RGS17: variants seen among roughly 807,000 people sequenced by gnomAD.
RGS17 encodes the protein regulator of G-protein signaling 17.
A neutral mutation model predicts 25.5 loss-of-function variants in RGS17; 12 were observed. The ratio of observed to expected loss-of-function variants is 0.47; its 90% CI spans 0.30 to 0.76. RGS17 has a LOEUF of 0.76. Ranked by LOEUF, RGS17 falls within the 30% of genes least tolerant of loss-of-function variation. RGS17 has a pLI of 0.07. For missense variants in RGS17, 196 were observed against 242.2 expected (o/e 0.81, Z 1.27); for synonymous variants, 71 against 76.9 (o/e 0.92, Z 0.40).
At chr6:153,024,853 T>C (rs539562197) in intron 3 of RGS17, among the ~76,000 whole-genome samples, 1 of 152,318 alleles carries the variant, frequency 6.6e-6, no homozygotes, top group African/African-American at 2.4e-5. Context: ...TGTAAGTGAC[T>C]AAGGACAACA....
intron 4 of RGS17, among the ~76,000 whole-genome samples, chr6:153,021,374 A>G: frequency 6.6e-6 from 1 of 152,182 alleles, no homozygotes; most frequent in East Asian, 1.9e-4. Context: ...TTAGAAATGG[A>G]TGACTTTTTG....
chr6:153,053,824 G>T (rs1176130408), intron 1 of RGS17, among the ~76,000 whole-genome samples: 6 of 148,518 alleles, frequency 4.0e-5, no homozygotes, highest in African/African-American at 1.5e-4. Flanking sequence ...AAGAAAGAAA[G>T]AAAAATAGAG....
chr6:153,013,890 T>G (rs572169045), intron 4 of RGS17, among the ~76,000 whole-genome samples: 1 of 150,792 alleles, frequency 6.6e-6, no homozygotes, highest in East Asian at 2.0e-4. Context: ...GGGAAAGAAG[T>G]TATCTCCATA....
At chr6:153,060,234 T>C (rs1776615503) in intron 1 of RGS17, among the ~76,000 whole-genome samples, 1 of 152,204 alleles carries the variant, frequency 6.6e-6, no homozygotes, top group Admixed American at 6.5e-5. Context: ...ACCCTCTCTT[T>C]CTGCTCTTTG....
At chr6:153,120,197 C>A (rs1777606105) in intron 1 of RGS17, among the ~76,000 whole-genome samples, 4 of 152,224 alleles carry the variant, frequency 2.6e-5, no homozygotes, top group Non-Finnish European at 4.4e-5. Context: ...ATACTTGTTA[C>A]TTCCTACTTA....
chr6:153,020,993 A>T lies in RGS17; in HGVS notation c.444+3269T>A, dbSNP rs746371725. Among the ~76,000 whole-genome samples, 137 of 152,342 alleles carry T rather than the reference A, an allele frequency of 9.0e-4. 1 individual carries two copies. The highest frequency in any genetic ancestry group is 3.2e-3 in the African/African-American group (133 of 41,590). On this transcript the variant is annotated intron_variant, in intron 4 of 4. Coordinates refer to ENST00000206262, the MANE Select transcript of RGS17 (RefSeq NM_012419.5). Reference sequence around the variant, plus strand: ...AGTAGTAGCACAAATACTCTGAATAAATAGAAACATGTATAGAATTTCAGA... The same window carrying T: ...AGTAGTAGCACAAATACTCTGAATATATAGAAACATGTATAGAATTTCAGA...
At chr6:153,105,069 T>C (rs559490527) in intron 1 of RGS17, among the ~76,000 whole-genome samples, 150 of 152,036 alleles carry the variant, frequency 9.9e-4, no homozygotes, top group Non-Finnish European at 1.7e-3. Context: ...GGCATGGGGG[T>C]GGACAGACAG....
chr6:153,060,128 G>T (rs1313935696), intron 1 of RGS17, among the ~76,000 whole-genome samples: 2 of 128,080 alleles, frequency 1.6e-5, no homozygotes, highest in Non-Finnish European at 3.2e-5. Flanking sequence ...TGCAGGGGAA[G>T]TCTGTTTCCC....
intron 1 of RGS17, among the ~76,000 whole-genome samples, chr6:153,069,270 AT>A (rs1776750388): frequency 6.6e-6 from 1 of 152,254 alleles, no homozygotes; most frequent in Non-Finnish European, 1.5e-5. Flanking sequence ...ATATTCAGCC[AT>A]AAAAAGAATG....
At position 153,008,163 on chromosome 6, in the gene RGS17, A is replaced by G. The variant is rs758089913; in HGVS notation, c.*3411T>C. The stretch of plus-strand genomic sequence containing the variant: ...TGCTCCTAATAAATAAATATTATTC[A>G]CTTATCCCTATAGTCCTTTGGCAAA... On this transcript the variant is annotated 3_prime_UTR_variant, in exon 5 of 5. Coordinates refer to ENST00000206262, the MANE Select transcript of RGS17 (RefSeq NM_012419.5). 3.5e-4 allele frequency: 53 copies of G among 152,316 alleles called. No homozygotes were observed. Among genetic ancestry groups the G allele is most frequent in the Non-Finnish European group, 2.2e-4 (15 of 68,022 alleles). 9.4% of individuals were successfully genotyped at this position (152,316 alleles called of 1,614,324 possible). A position where few individuals can be genotyped will look rare whatever the true frequency, so the allele number is the denominator to read the frequency against.
At chr6:153,097,444 AT>A (rs1049528354) in intron 1 of RGS17, among the ~76,000 whole-genome samples, 5 of 151,250 alleles carry the variant, frequency 3.3e-5, no homozygotes, top group African/African-American at 4.9e-5. Flanking sequence ...TTTATAAATG[AT>A]TTTTTTTAAA....
In RGS17 at chr6:153,070,457, G is replaced by A. The variant is rs866587954; in HGVS notation, c.-25-26414C>T. ...ATAGTTATGTCTATGTATACAAGTT[G>A]GCTCTCCATAACTTTGGGTTCCACA... On this transcript the variant is annotated intron_variant, in intron 1 of 4. Coordinates refer to ENST00000206262, the MANE Select transcript of RGS17 (RefSeq NM_012419.5). Among the ~76,000 whole-genome samples, 4 of 151,954 alleles carry A rather than the reference G, an allele frequency of 2.6e-5. No individual in the cohort carries two copies. The East Asian group carries it at 7.9e-4, about 30-fold the overall frequency.
rs1001226253 is a variant in RGS17 at position 153,009,386 on chromosome 6, T to C, written c.*2188A>G. 1.3e-5 allele frequency: 2 copies of C among 152,064 alleles called. No homozygotes were observed. The highest frequency in any genetic ancestry group is 2.1e-4 in the South Asian group (1 of 4,832). The allele number at this position is 152,064 out of a possible 1,614,324, so 9.4% of individuals were successfully genotyped here. A position where few individuals can be genotyped will look rare whatever the true frequency, so the allele number is the denominator to read the frequency against. On this transcript the variant is annotated 3_prime_UTR_variant, in exon 5 of 5. Coordinates refer to ENST00000206262, the MANE Select transcript of RGS17 (RefSeq NM_012419.5). ...CTACACCATACATGTGTATATATCA[T>C]AGTAGCATAATAAACTCAATTCTAA...
intron 1 of RGS17, among the ~76,000 whole-genome samples, chr6:153,082,855 A>G (rs1225382627): frequency 2.6e-5 from 4 of 152,138 alleles, no homozygotes; most frequent in Non-Finnish European, 5.9e-5. Flanking sequence ...GCCTATATTT[A>G]AGCTTTACTG....
chr6:153,041,872 A>G (rs942412194), intron 2 of RGS17, among the ~76,000 whole-genome samples: 12 of 152,226 alleles, frequency 7.9e-5, no homozygotes, highest in Non-Finnish European at 1.6e-4. Context: ...TCCAATATGA[A>G]GTGTTCCATA....
intron 1 of RGS17, among the ~76,000 whole-genome samples, chr6:153,061,536 C>T (rs1776637578): frequency 1.3e-5 from 2 of 152,020 alleles, no homozygotes; most frequent in Non-Finnish European, 2.9e-5. Context: ...AAAACAAAAA[C>T]AATAACATTT....
At chr6:153,098,545 G>C (rs1293932832) in intron 1 of RGS17, among the ~76,000 whole-genome samples, 4 of 152,020 alleles carry the variant, frequency 2.6e-5, no homozygotes, top group African/African-American at 9.7e-5. Flanking sequence ...GATTTCTGTG[G>C]TCTCAGCCCC....
chr6:153,048,199 A>C lies in RGS17; in HGVS notation c.-25-4156T>G, dbSNP rs78585520. ...CTGCCCTCATTATCTTTTCCCAAAA[A>C]CATGTTCTTCCCACAGTTTCTCCAA... On this transcript the variant is annotated intron_variant, in intron 1 of 4. Coordinates refer to ENST00000206262, the MANE Select transcript of RGS17 (RefSeq NM_012419.5). Among the ~76,000 whole-genome samples, 774 of 152,286 alleles carry C rather than the reference A, an allele frequency of 5.1e-3. 5 individuals carry two copies. The highest frequency in any genetic ancestry group is 0.017 in the African/African-American group (712 of 41,572).
chr6:153,070,776 CATATACAT>C (rs1776782103), intron 1 of RGS17, among the ~76,000 whole-genome samples: 1 of 150,358 alleles, frequency 6.7e-6, no homozygotes, highest in Non-Finnish European at 1.5e-5. Context: ...TACATATACA[CATATACAT>C]ATATACACAT....
Sources: allele counts gnomAD v4.1 joint callset (sites outside exome capture counted in the v4.1 genomes callset), GRCh38; gene constraint gnomAD v4.1.1; transcripts MANE v1.5; gene names NCBI Gene and HGNC (gene_info 2026-07-23, HGNC 2026-07-21).